The following PUM1 variants were observed in gnomAD, a reference collection of about 807,000 sequenced individuals.
PUM1 encodes pumilio RNA binding family member 1, also known as pumilio homolog 1.
A neutral mutation model predicts 131.8 loss-of-function variants in PUM1; 13 were observed. That is an observed-to-expected ratio of 0.10 (90% CI 0.06 to 0.16). PUM1 has a LOEUF of 0.16. PUM1 is among the 10% of genes least tolerant of loss of function. The probability of loss-of-function intolerance (pLI) is 1.00; values close to 1 mark genes in which losing one functional copy is unlikely to be tolerated. For synonymous variants in PUM1, 509 were observed against 556.5 expected (o/e 0.91, Z 1.20); for missense variants, 961 against 1,512.4 (o/e 0.64, Z 6.05).
rs1413712976 is a variant in PUM1, at chr1:30,941,137, C to A, written c.3242+14G>T. ...CTCTTCTGGGAAATAGTCCTTGTAA[C>A]TCAAAGCACGTACCTTGCAAATTTG... On this transcript the variant is annotated intron_variant, in intron 20 of 21. Transcript: ENST00000426105. 6.2e-7 allele frequency: 1 copy of A among 1,608,788 alleles called. No individual in the cohort carries two copies. The highest frequency in any genetic ancestry group is 8.5e-7 in the Non-Finnish European group (1 of 1,176,662).
intron 3 of PUM1, among the ~76,000 whole-genome samples, chr1:31,016,291 A>T (rs1278958464): frequency 1.3e-5 from 2 of 152,338 alleles, no homozygotes; most frequent in Admixed American, 1.3e-4. Flanking sequence ...GAGATACCCA[A>T]CCTGTAATAA....
chr1:31,033,389 T>C (rs1486953679), intron 2 of PUM1, among the ~76,000 whole-genome samples: 3 of 68,428 alleles, frequency 4.4e-5, no homozygotes, highest in Non-Finnish European at 3.6e-5. Flanking sequence ...TTTTTTTTTT[T>C]TTTTTTTTTT....
rs1638985699 is a variant in PUM1 at position 30,931,872 on chromosome 1, T to C, written c.*1339A>G. On this transcript the variant is annotated 3_prime_UTR_variant, in exon 22 of 22. Coordinates refer to ENST00000426105, the MANE Select transcript of PUM1 (RefSeq NM_001020658.2). Reference sequence around the variant, plus strand: ...GGAAAGCTCGGGCAAGGCTAGACTTTTGCACGTCCTTTTGACTGTCACAAA... The same window carrying C: ...GGAAAGCTCGGGCAAGGCTAGACTTCTGCACGTCCTTTTGACTGTCACAAA... The C allele has an allele frequency of 1.3e-5, 2 of 152,578 alleles. No homozygotes were observed. Among genetic ancestry groups the C allele is most frequent in the Non-Finnish European group, 2.9e-5 (2 of 68,046 alleles). 9.5% of individuals were successfully genotyped at this position (152,578 alleles called of 1,614,324 possible). A position where few individuals can be genotyped will look rare whatever the true frequency, so the allele number is the denominator to read the frequency against.
At chr1:31,048,084 C>T (rs528166718) in intron 2 of PUM1, among the ~76,000 whole-genome samples, 1 of 151,604 alleles carries the variant, frequency 6.6e-6, no homozygotes, top group Non-Finnish European at 1.5e-5. Flanking sequence ...ACTAAAAATA[C>T]AAAAATTAGC....
chr1:31,011,822 AAG>A (rs1642628301), intron 3 of PUM1, among the ~76,000 whole-genome samples: 3 of 152,224 alleles, frequency 2.0e-5, no homozygotes. Flanking sequence ...AACAGATCAC[AAG>A]AGAGATGTAG....
At chr1:30,964,029 T>G (rs777575591) in intron 14 of PUM1, among the ~76,000 whole-genome samples, 13 of 152,150 alleles carry the variant, frequency 8.5e-5, no homozygotes, top group Non-Finnish European at 1.8e-4. Context: ...TTCTTTTCAT[T>G]CTTATAGCCT....
intron 3 of PUM1, among the ~76,000 whole-genome samples, chr1:31,026,944 C>CAAA (rs35459131): frequency 6.8e-4 from 72 of 106,506 alleles, no homozygotes; most frequent in African/African-American, 2.2e-3. Flanking sequence ...ACATATACCA[C>CAAA]AAAAAAAAAA....
At chr1:30,937,207 T>C (rs1038558472) in intron 20 of PUM1, among the ~76,000 whole-genome samples, 5 of 152,012 alleles carry the variant, frequency 3.3e-5, no homozygotes, top group African/African-American at 9.7e-5. Flanking sequence ...CCCAGGTAGG[T>C]GAGGAGACTT....
intron 7 of PUM1, among the ~76,000 whole-genome samples, chr1:30,985,346 C>T (rs1034956366): frequency 6.6e-6 from 1 of 152,080 alleles, no homozygotes; most frequent in African/African-American, 2.4e-5. Context: ...AGGACTCCTC[C>T]TAGTCTGTAT....
At chr1:31,007,324 G>A (rs571627916) in intron 3 of PUM1, among the ~76,000 whole-genome samples, 1 of 81,512 alleles carries the variant, frequency 1.2e-5, no homozygotes, top group East Asian at 8.5e-4. Context: ...TGGGGACACT[G>A]ATCAAACCAT....
At chr1:30,934,786 G>A (rs984440121) in intron 21 of PUM1, among the ~76,000 whole-genome samples, 27 of 152,036 alleles carry the variant, frequency 1.8e-4, no homozygotes, top group African/African-American at 6.0e-4. Context: ...ACAAGTCCAG[G>A]CACTTCACCT....
At chr1:30,955,324 G>A (rs934061942) in intron 14 of PUM1, among the ~76,000 whole-genome samples, 47 of 148,610 alleles carry the variant, frequency 3.2e-4, no homozygotes, top group African/African-American at 1.1e-3. Flanking sequence ...AAAATTAGCT[G>A]GGCGTGGTGG....
chr1:30,955,102 AAAAC>A (rs889970677), intron 14 of PUM1, among the ~76,000 whole-genome samples: 27 of 151,968 alleles, frequency 1.8e-4, no homozygotes, highest in Non-Finnish European at 3.4e-4. Flanking sequence ...AAAAAAAACA[AAAAC>A]AAACAAACAG....
intron 18 of PUM1, among the ~76,000 whole-genome samples, chr1:30,944,403 AAAACAAAC>A (rs987601561): frequency 6.6e-6 from 1 of 152,182 alleles, no homozygotes; most frequent in African/African-American, 2.4e-5. Flanking sequence ...GGAAAAAAAC[AAAACAAAC>A]AAACAAACAA....
intron 10 of PUM1, among the ~76,000 whole-genome samples, chr1:30,974,244 T>C (rs993251386): frequency 3.3e-5 from 5 of 152,304 alleles, no homozygotes; most frequent in Middle Eastern, 3.4e-3. Flanking sequence ...TCCAATCCAA[T>C]AGGTACTACA....
At chr1:31,064,882 G>A (rs577039549) in intron 1 of PUM1, among the ~76,000 whole-genome samples, 43 of 151,176 alleles carry the variant, frequency 2.8e-4, no homozygotes, top group African/African-American at 9.5e-4. Context: ...TGTTTGTGAG[G>A]ACTAAAACTA....
At chr1:30,942,727 C>G (rs1250572417) in intron 18 of PUM1, among the ~76,000 whole-genome samples, 1 of 152,202 alleles carries the variant, frequency 6.6e-6, no homozygotes. Flanking sequence ...CTAACACTTA[C>G]TGGATGCTTG....
At chr1:30,996,545 C>T (rs915371446) in intron 5 of PUM1, among the ~76,000 whole-genome samples, 1 of 152,040 alleles carries the variant, frequency 6.6e-6, no homozygotes, top group Non-Finnish European at 1.5e-5. Flanking sequence ...AAATGTGATA[C>T]AGAAAAAGAT....
intron 21 of PUM1, among the ~76,000 whole-genome samples, chr1:30,935,030 T>G (rs1639142775): frequency 1.3e-5 from 2 of 152,320 alleles, no homozygotes; most frequent in African/African-American, 4.8e-5. Context: ...TGCTAAGCCC[T>G]ACCAATTCTA....
Sources: gnomAD v4.1 joint callset for allele counts (sites outside exome capture counted in the v4.1 genomes callset) on GRCh38, gnomAD v4.1.1 for gene constraint, MANE v1.5 for transcripts, NCBI Gene and HGNC (gene_info 2026-07-23, HGNC 2026-07-21) for gene names.